Variants in EYA1 observed in about 807,000 individuals in gnomAD.
EYA1 encodes protein phosphatase EYA1.
Under a neutral mutation model 82.0 loss-of-function variants are expected in EYA1, and 16 were observed. The observed-to-expected ratio is 0.20, with a 90% CI of 0.13 to 0.30. EYA1 has a LOEUF of 0.30. Among genes scored for constraint, EYA1 ranks in the 10% least tolerant of loss-of-function variants. The probability of loss-of-function intolerance (pLI) is 1.00; values close to 1 mark genes in which losing one functional copy is unlikely to be tolerated. For synonymous variants in EYA1, 261 were observed against 264.4 expected (o/e 0.99, Z 0.12); for missense variants, 633 against 730.7 (o/e 0.87, Z 1.54).
At chr8:71,414,822 C>T (rs1467227888) in intron 2 of EYA1, among the ~76,000 whole-genome samples, 1 of 152,140 alleles carries the variant, frequency 6.6e-6, no homozygotes, top group Non-Finnish European at 1.5e-5. Flanking sequence ...TCTGGAAAAC[C>T]TGAGAACTTC....
chr8:71,458,056 G>A (rs1362855681), intron 2 of EYA1, among the ~76,000 whole-genome samples: 1 of 152,028 alleles, frequency 6.6e-6, no homozygotes, highest in Non-Finnish European at 1.5e-5. Flanking sequence ...CGAATATCTT[G>A]TTCTGTTTGA....
At chr8:71,425,948 G>T (rs777183981) in intron 2 of EYA1, among the ~76,000 whole-genome samples, 5 of 152,164 alleles carry the variant, frequency 3.3e-5, no homozygotes, top group Non-Finnish European at 7.3e-5. Context: ...TGGCAGAAAA[G>T]GTGAAAAGGT....
intron 9 of EYA1, among the ~76,000 whole-genome samples, chr8:71,282,981 A>G (rs1357057930): frequency 7.2e-6 from 1 of 138,652 alleles, no homozygotes; most frequent in African/African-American, 2.7e-5. Flanking sequence ...TTCTCTGTCC[A>G]TGACTAGAGA....
intron 2 of EYA1, among the ~76,000 whole-genome samples, chr8:71,475,547 A>G (rs931385290): frequency 1.3e-5 from 2 of 152,218 alleles, no homozygotes; most frequent in Admixed American, 6.5e-5. Flanking sequence ...CATAGTGAAC[A>G]TACCTTTATT....
At chr8:71,456,140 G>A (rs906955299) in intron 2 of EYA1, among the ~76,000 whole-genome samples, 5 of 152,132 alleles carry the variant, frequency 3.3e-5, no homozygotes, top group Non-Finnish European at 7.3e-5. Flanking sequence ...CAAATCATGA[G>A]TGAACTCCCA....
chr8:71,473,566 A>T (rs1005795697), intron 2 of EYA1, among the ~76,000 whole-genome samples: 5 of 152,290 alleles, frequency 3.3e-5, no homozygotes, highest in African/African-American at 1.2e-4. Context: ...GCTGGAGAGG[A>T]TGTGGAGAAA....
intron 2 of EYA1, among the ~76,000 whole-genome samples, chr8:71,442,623 A>G (rs576076270): frequency 1.3e-5 from 2 of 152,330 alleles, no homozygotes; most frequent in South Asian, 4.1e-4. Flanking sequence ...TTCTCAATTT[A>G]TGTTCTATTG....
At chr8:71,259,741 G>T (rs1352521007) in intron 11 of EYA1, among the ~76,000 whole-genome samples, 1 of 152,132 alleles carries the variant, frequency 6.6e-6, no homozygotes, top group Non-Finnish European at 1.5e-5. Context: ...GAAACCTGTT[G>T]TTTATCTCTT....
intron 1 of EYA1, among the ~76,000 whole-genome samples, chr8:71,536,597 A>G (rs1391888013): frequency 6.6e-6 from 1 of 152,250 alleles, no homozygotes; most frequent in African/African-American, 2.4e-5. Context: ...AGGTACTCAA[A>G]AGATACTCTC....
At chr8:71,395,907 A>C (rs1348223862) in intron 2 of EYA1, among the ~76,000 whole-genome samples, 1 of 152,164 alleles carries the variant, frequency 6.6e-6, no homozygotes, top group Non-Finnish European at 1.5e-5. Context: ...TTCGGCTGTG[A>C]ATCCATGTGA....
At chr8:71,366,859 C>T (rs140885187), upstream of EYA1, among the ~76,000 whole-genome samples, 53 of 152,018 alleles carry the variant, frequency 3.5e-4, no homozygotes, top group African/African-American at 8.4e-4. Flanking sequence ...ATCATTTTGA[C>T]GCAAGGTGAT....
At chr8:71,397,687 A>G (rs1005383383) in intron 2 of EYA1, among the ~76,000 whole-genome samples, 3 of 152,140 alleles carry the variant, frequency 2.0e-5, no homozygotes, top group East Asian at 3.9e-4. Flanking sequence ...TCCCTTTGTG[A>G]GTAACCCAAC....
At chr8:71,341,537 T>C (rs921222983) in intron 3 of EYA1, among the ~76,000 whole-genome samples, 4 of 152,232 alleles carry the variant, frequency 2.6e-5, no homozygotes, top group African/African-American at 7.2e-5. Context: ...TCACTCTAAA[T>C]GCATGATTGA....
At chr8:71,355,964 TTTTC>T (rs1826831073) in intron 2 of EYA1, among the ~76,000 whole-genome samples, 1 of 152,216 alleles carries the variant, frequency 6.6e-6, no homozygotes, top group Non-Finnish European at 1.5e-5. Flanking sequence ...CTTTGTATGT[TTTTC>T]TAAGAAAAAA....
At chr8:71,214,788 T>C (rs933908399) in intron 16 of EYA1, among the ~76,000 whole-genome samples, 9 of 152,232 alleles carry the variant, frequency 5.9e-5, no homozygotes, top group African/African-American at 2.2e-4. Context: ...TATTGGATTG[T>C]CATGTAACTG....
intron 2 of EYA1, among the ~76,000 whole-genome samples, chr8:71,393,499 A>G (rs910493901): frequency 1.3e-5 from 2 of 151,950 alleles, no homozygotes; most frequent in Admixed American, 6.6e-5. Flanking sequence ...CCTGTGTCCA[A>G]GTGTTCTCAT....
At chr8:71,288,145 A>G (rs900294512) in intron 9 of EYA1, among the ~76,000 whole-genome samples, 1 of 152,216 alleles carries the variant, frequency 6.6e-6, no homozygotes, top group Non-Finnish European at 1.5e-5. Flanking sequence ...ACAGGTGGAA[A>G]GTGGTACCCA....
chr8:71,392,915 T>C (rs539498450), intron 2 of EYA1, among the ~76,000 whole-genome samples: 1 of 152,192 alleles, frequency 6.6e-6, no homozygotes, highest in Admixed American at 6.5e-5. Flanking sequence ...TTTATGTTTG[T>C]AATTTACCTA....
At position 71,276,409 on chromosome 8, in the gene EYA1, A is replaced by T. The variant is rs918152044; in HGVS notation, c.827-4512T>A. Among the ~76,000 whole-genome samples the T allele has an allele frequency of 2.0e-5, 3 of 152,148 alleles. No individual in the cohort carries two copies. In the East Asian group the frequency reaches 5.8e-4, roughly 29 times the overall value. On this transcript the variant is annotated intron_variant, in intron 9 of 17. Transcript: ENST00000340726. ...CTTTACCTTTTGATCTCCTGACCTG[A>T]GTATCCCACTATTTCTAGACCTCTC...
Sources: gnomAD v4.1 joint callset for allele counts (sites outside exome capture counted in the v4.1 genomes callset) on GRCh38, gnomAD v4.1.1 for gene constraint, MANE v1.5 for transcripts, NCBI Gene and HGNC (gene_info 2026-07-23, HGNC 2026-07-21) for gene names.